Variants in LRRTM4 observed in about 807,000 individuals in gnomAD.
LRRTM4 encodes the protein leucine rich repeat transmembrane neuronal 4, also known as leucine-rich repeat transmembrane neuronal protein 4.
In LRRTM4, 25 loss-of-function variants were observed where a neutral mutation model predicts 47.6. That is an observed-to-expected ratio of 0.53 (90% CI 0.38 to 0.73). LRRTM4 has a LOEUF of 0.73. Among genes scored for constraint, LRRTM4 ranks in the 30% least tolerant of loss-of-function variants. The probability of loss-of-function intolerance (pLI) is 0.00; values close to 1 mark genes in which losing one functional copy is unlikely to be tolerated. For missense variants in LRRTM4, 638 were observed against 713.4 expected (o/e 0.89, Z 1.20); for synonymous variants, 311 against 269.5 (o/e 1.15, Z -1.51).
chr2:77,255,506 A>T (rs1675741418), intron 3 of LRRTM4, among the ~76,000 whole-genome samples: 1 of 152,070 alleles, frequency 6.6e-6, no homozygotes, highest in African/African-American at 2.4e-5. Context: ...TATCAAATAG[A>T]TTGTATCCTA....
chr2:76,917,812 G>C (rs1013248630), intron 3 of LRRTM4, among the ~76,000 whole-genome samples: 1 of 152,052 alleles, frequency 6.6e-6, no homozygotes, highest in Admixed American at 6.6e-5. Context: ...TGTGGGACAG[G>C]GTAGAAGTAA....
At chr2:76,894,089 C>T (rs951608130) in intron 3 of LRRTM4, among the ~76,000 whole-genome samples, 12 of 151,810 alleles carry the variant, frequency 7.9e-5, no homozygotes, top group East Asian at 7.7e-4. Flanking sequence ...TACCACTGTA[C>T]GATGTTAAAA....
chr2:76,961,520 C>T (rs902704519), intron 3 of LRRTM4, among the ~76,000 whole-genome samples: 1 of 151,340 alleles, frequency 6.6e-6, no homozygotes, highest in African/African-American at 2.4e-5. Context: ...ATTTTCTTCA[C>T]TGAACCATTA....
At chr2:77,347,674 T>C (rs1671618159) in intron 3 of LRRTM4, among the ~76,000 whole-genome samples, 1 of 152,070 alleles carries the variant, frequency 6.6e-6, no homozygotes, top group Admixed American at 6.6e-5. Flanking sequence ...TATACAAGTC[T>C]TCATTTTTCA....
At chr2:77,228,300 T>C (rs1674869414) in intron 3 of LRRTM4, among the ~76,000 whole-genome samples, 1 of 152,164 alleles carries the variant, frequency 6.6e-6, no homozygotes, top group Non-Finnish European at 1.5e-5. Context: ...CTTAATTCTA[T>C]GCCCAGCTCA....
At chr2:77,099,689 C>G (rs1157031317) in intron 3 of LRRTM4, among the ~76,000 whole-genome samples, 1 of 151,718 alleles carries the variant, frequency 6.6e-6, no homozygotes, top group African/African-American at 2.4e-5. Context: ...ATAGGGAGAA[C>G]AATCAGACCA....
At chr2:77,095,200 A>G (rs1453070353) in intron 3 of LRRTM4, among the ~76,000 whole-genome samples, 2 of 152,234 alleles carry the variant, frequency 1.3e-5, no homozygotes, top group Non-Finnish European at 2.9e-5. Flanking sequence ...AACCACAGTG[A>G]GATACTACCT....
intron 3 of LRRTM4, among the ~76,000 whole-genome samples, chr2:76,832,024 T>C (rs886187286): frequency 6.6e-6 from 1 of 152,142 alleles, no homozygotes; most frequent in African/African-American, 2.4e-5. Flanking sequence ...TACCAATTTT[T>C]ATGAAGATGC....
At chr2:77,052,715 C>A (rs1047263940) in intron 3 of LRRTM4, among the ~76,000 whole-genome samples, 1 of 148,066 alleles carries the variant, frequency 6.8e-6, no homozygotes, top group African/African-American at 2.6e-5. Flanking sequence ...TGTTTGTGTG[C>A]GTAGGGGTGT....
At chr2:77,240,702 G>A (rs1004345791) in intron 3 of LRRTM4, among the ~76,000 whole-genome samples, 2 of 152,002 alleles carry the variant, frequency 1.3e-5, no homozygotes, top group Non-Finnish European at 2.9e-5. Context: ...TATTATGTGA[G>A]TTTAGCAATG....
At chr2:77,140,083 C>G (rs13012965) in intron 3 of LRRTM4, among the ~76,000 whole-genome samples, 208 of 152,282 alleles carry the variant, frequency 1.4e-3, no homozygotes, top group African/African-American at 4.9e-3. Flanking sequence ...CCATCCCCAT[C>G]AAGCTACCAA....
intron 3 of LRRTM4, among the ~76,000 whole-genome samples, chr2:76,904,636 A>G (rs1199624978): frequency 6.6e-6 from 1 of 152,170 alleles, no homozygotes; most frequent in East Asian, 1.9e-4. Context: ...GCAGTGAGGA[A>G]TCTGCATCAA....
chr2:77,003,238 T>C (rs186860283), intron 3 of LRRTM4, among the ~76,000 whole-genome samples: 1 of 151,756 alleles, frequency 6.6e-6, no homozygotes, highest in Admixed American at 6.6e-5. Context: ...AATTTAAGCT[T>C]TTTTTATAAT....
intron 3 of LRRTM4, among the ~76,000 whole-genome samples, chr2:77,195,442 A>T (rs1052039441): frequency 6.6e-6 from 1 of 152,100 alleles, no homozygotes; most frequent in African/African-American, 2.4e-5. Context: ...CGTATATTTA[A>T]TAAACTTTAA....
At chr2:77,227,748 T>C (rs1344582123) in intron 3 of LRRTM4, among the ~76,000 whole-genome samples, 1 of 152,140 alleles carries the variant, frequency 6.6e-6, no homozygotes, top group Admixed American at 6.6e-5. Context: ...AATTTTCAGT[T>C]AGATTTATCA....
intron 3 of LRRTM4, among the ~76,000 whole-genome samples, chr2:77,489,029 G>GA (rs1453940541): frequency 2.1e-4 from 32 of 150,442 alleles, no homozygotes; most frequent in African/African-American, 7.0e-4. Context: ...GACTACCTAT[G>GA]AAAAAAATAA....
At chr2:77,474,291 T>C (rs1677297726) in intron 3 of LRRTM4, among the ~76,000 whole-genome samples, 3 of 152,036 alleles carry the variant, frequency 2.0e-5, no homozygotes, top group African/African-American at 7.2e-5. Flanking sequence ...AGACATTCAG[T>C]AGATTTTGAG....
At chr2:77,193,297 C>T (rs1673724404) in intron 3 of LRRTM4, among the ~76,000 whole-genome samples, 2 of 152,174 alleles carry the variant, frequency 1.3e-5, no homozygotes, top group African/African-American at 4.8e-5. Flanking sequence ...AATCACCAAA[C>T]AAAGCATTTC....
chr2:76,779,169 CT>C (rs1674203413), intron 3 of LRRTM4, among the ~76,000 whole-genome samples: 1 of 151,992 alleles, frequency 6.6e-6, no homozygotes, highest in East Asian at 1.9e-4. Flanking sequence ...CTGAGGAGAG[CT>C]TTACTTCCAA....
Sources: allele counts gnomAD v4.1 joint callset (sites outside exome capture counted in the v4.1 genomes callset), GRCh38; gene constraint gnomAD v4.1.1; transcripts MANE v1.5; gene names NCBI Gene and HGNC (gene_info 2026-07-23, HGNC 2026-07-21).